Variants in SGCD observed in about 807,000 individuals in gnomAD.
SGCD encodes the protein delta-sarcoglycan.
SGCD carries 18 observed loss-of-function variants against 36.6 expected under a neutral mutation model. The ratio of observed to expected loss-of-function variants is 0.49; its 90% CI spans 0.34 to 0.73. SGCD has a LOEUF of 0.73. SGCD is among the 30% of genes least tolerant of loss of function. The pLI is 0.01. For missense variants in SGCD, 387 were observed against 346.7 expected, an observed-to-expected ratio of 1.12 and a Z score of -0.92; for synonymous variants, 133 against 130.6, an observed-to-expected ratio of 1.02 and a Z score of -0.12.
At chr5:156,176,521 T>C (rs1230070776) in intron 3 of SGCD, among the ~76,000 whole-genome samples, 1 of 152,192 alleles carries the variant, frequency 6.6e-6, no homozygotes, top group East Asian at 1.9e-4. Flanking sequence ...TTCTATCTAG[T>C]TTCAGTATCT....
At chr5:156,110,997 A>T (rs1761769213) in intron 1 of SGCD, among the ~76,000 whole-genome samples, 1 of 152,160 alleles carries the variant, frequency 6.6e-6, no homozygotes. Flanking sequence ...ACACGAAAAA[A>T]ATATGTTTAG....
At chr5:155,859,056 T>C in the SGCD span, among the ~76,000 whole-genome samples, 5 of 150,932 alleles carry the variant, frequency 3.3e-5, no homozygotes, top group African/African-American at 1.2e-4. Context: ...ATATCAGGTT[T>C]TCTTTTCTTT....
At chr5:156,179,833 A>C (rs768326711) in intron 3 of SGCD, among the ~76,000 whole-genome samples, 6 of 152,132 alleles carry the variant, frequency 3.9e-5, no homozygotes, top group Non-Finnish European at 8.8e-5. Flanking sequence ...CATGTTGCCC[A>C]GGTTGGTCTC....
the SGCD span, among the ~76,000 whole-genome samples, chr5:155,751,141 C>T: frequency 6.6e-6 from 1 of 152,154 alleles, no homozygotes; most frequent in African/African-American, 2.4e-5. Flanking sequence ...TGAATATGCA[C>T]ACAAGTGAGT....
At chr5:156,652,149 G>A (rs188875791) in intron 7 of SGCD, among the ~76,000 whole-genome samples, 1 of 152,114 alleles carries the variant, frequency 6.6e-6, no homozygotes, top group East Asian at 1.9e-4. Flanking sequence ...AGTCCTAGGA[G>A]CCTTTTGGTA....
intron 3 of SGCD, among the ~76,000 whole-genome samples, chr5:156,166,201 A>G (rs2127620156): frequency 6.6e-6 from 1 of 152,130 alleles, no homozygotes; most frequent in African/African-American, 2.4e-5. Context: ...CATCACTTTG[A>G]TATATCTTTT....
intron 3 of SGCD, among the ~76,000 whole-genome samples, chr5:156,403,184 G>A (rs559414908): frequency 6.6e-6 from 1 of 152,210 alleles, no homozygotes; most frequent in African/African-American, 2.4e-5. Context: ...TCCCCAGTGA[G>A]GAAAAGTCAC....
intron 1 of SGCD, among the ~76,000 whole-genome samples, chr5:156,117,402 C>T (rs1316021316): frequency 6.6e-6 from 1 of 152,088 alleles, no homozygotes; most frequent in Non-Finnish European, 1.5e-5. Flanking sequence ...TGAACTTCAA[C>T]CCAGCTCTCA....
At chr5:156,220,298 T>C (rs182273435) in intron 3 of SGCD, among the ~76,000 whole-genome samples, 1 of 152,310 alleles carries the variant, frequency 6.6e-6, no homozygotes, top group Non-Finnish European at 1.5e-5. Context: ...GCAAGGTACG[T>C]TGGAGTTTGT....
chr5:155,937,444 A>G (rs1448411028), intron 1 of SGCD, among the ~76,000 whole-genome samples: 1 of 152,266 alleles, frequency 6.6e-6, no homozygotes, highest in Non-Finnish European at 1.5e-5. Context: ...AAGAAGCCAG[A>G]ATGTTAAACT....
chr5:155,913,993 AAATGTTACAGTTAG>A (rs1454759768), intron 1 of SGCD, among the ~76,000 whole-genome samples: 1 of 152,198 alleles, frequency 6.6e-6, no homozygotes, highest in Non-Finnish European at 1.5e-5. Flanking sequence ...AAAACACATA[AAATGTTACAGTTAG>A]AATGTTGGCC....
chr5:155,901,269 A>G (rs908813537), intron 1 of SGCD, among the ~76,000 whole-genome samples: 26 of 151,296 alleles, frequency 1.7e-4, no homozygotes, highest in African/African-American at 2.4e-4. Flanking sequence ...CCGAGATAGT[A>G]CCACTGCACT....
chr5:156,562,131 C>T (rs943262636), intron 4 of SGCD, among the ~76,000 whole-genome samples: 4 of 152,112 alleles, frequency 2.6e-5, no homozygotes, highest in African/African-American at 9.7e-5. Context: ...AGATTCTGTA[C>T]CTATGGAGCT....
At chr5:155,788,880 G>T in the SGCD span, among the ~76,000 whole-genome samples, 1 of 152,098 alleles carries the variant, frequency 6.6e-6, no homozygotes. Flanking sequence ...GGCAGAGAAT[G>T]ATAGTTCAGG....
intron 3 of SGCD, among the ~76,000 whole-genome samples, chr5:156,423,591 C>A (rs1333337159): frequency 1.3e-5 from 2 of 150,846 alleles, no homozygotes; most frequent in Admixed American, 6.7e-5. Flanking sequence ...CAATTTGCAT[C>A]TTGAGAACAC....
chr5:155,936,212 A>G (rs368841570), intron 1 of SGCD, among the ~76,000 whole-genome samples: 1 of 152,122 alleles, frequency 6.6e-6, no homozygotes, highest in Admixed American at 6.5e-5. Flanking sequence ...TCAGCCCTGT[A>G]TGTGTTACAG....
chr5:156,486,877 C>T (rs1303764329), intron 3 of SGCD, among the ~76,000 whole-genome samples: 1 of 152,162 alleles, frequency 6.6e-6, no homozygotes, highest in African/African-American at 2.4e-5. Flanking sequence ...CCACCACCAC[C>T]AGTGCCTATG....
At chr5:156,425,841 T>C (rs1773650182) in intron 3 of SGCD, among the ~76,000 whole-genome samples, 1 of 152,138 alleles carries the variant, frequency 6.6e-6, no homozygotes, top group South Asian at 2.1e-4. Flanking sequence ...TTACTTCAGT[T>C]AGAATAATGG....
At position 156,195,507 on chromosome 5, in the gene SGCD, T is replaced by A. The variant is rs527256563; in HGVS notation, c.-44+71488T>A. ...TGAGTTATTTTTTGTGAATGGAGAATTGGAAAATGCAGGAAAGTGCCAGGA... is the reference window on the plus strand; with the variant it reads ...TGAGTTATTTTTTGTGAATGGAGAAATGGAAAATGCAGGAAAGTGCCAGGA... On this transcript the variant is annotated intron_variant, in intron 3 of 9. Transcript: ENST00000517913. 7.9e-5 allele frequency among the ~76,000 whole-genome samples: 12 copies of A among 152,314 alleles called. No homozygotes were observed. In the South Asian group the frequency reaches 1.5e-3, roughly 18 times the overall value.
Sources: allele counts gnomAD v4.1 joint callset (sites outside exome capture counted in the v4.1 genomes callset), GRCh38; gene constraint gnomAD v4.1.1; transcripts MANE v1.5; gene names NCBI Gene and HGNC (gene_info 2026-07-23, HGNC 2026-07-21).